The following MAML3 variants were observed in gnomAD, a reference collection of about 807,000 sequenced individuals.
MAML3 encodes mastermind like transcriptional coactivator 3, also known as mastermind-like protein 3.
A neutral mutation model predicts 101.9 loss-of-function variants in MAML3; 27 were observed. The observed-to-expected ratio is 0.27, with a 90% CI of 0.20 to 0.37. The LOEUF (loss-of-function observed/expected upper bound fraction) is 0.37, where lower values mean the gene tolerates loss of function less well. Among genes scored for constraint, MAML3 ranks in the 10% least tolerant of loss-of-function variants. The pLI is 1.00. For synonymous variants in MAML3, 501 were observed against 555.9 expected (o/e 0.90, Z 1.39); for missense variants, 1,316 against 1,444.9 (o/e 0.91, Z 1.45).
intron 1 of MAML3, among the ~76,000 whole-genome samples, chr4:140,013,230 C>A (rs2110863810): frequency 6.6e-6 from 1 of 152,284 alleles, no homozygotes; most frequent in East Asian, 1.9e-4. Context: ...GGCACGCACG[C>A]ATCTCAGTCC....
intron 1 of MAML3, among the ~76,000 whole-genome samples, chr4:139,953,912 G>A (rs781270205): frequency 6.6e-6 from 1 of 152,192 alleles, no homozygotes; most frequent in Non-Finnish European, 1.5e-5. Flanking sequence ...GGAGTCAGGG[G>A]TTGCTTCTTC....
intron 1 of MAML3, among the ~76,000 whole-genome samples, chr4:140,030,034 C>T (rs28653072): frequency 0.032 from 4,790 of 150,200 alleles, 253 homozygotes; most frequent in African/African-American, 0.11. Context: ...TAGGAAGAAA[C>T]GAAAAGGATG....
chr4:139,813,715 C>T (rs1730844330), intron 2 of MAML3, among the ~76,000 whole-genome samples: 1 of 152,156 alleles, frequency 6.6e-6, no homozygotes, highest in African/African-American at 2.4e-5. Flanking sequence ...TGGGTCCCCA[C>T]AGGATCAAGG....
intron 2 of MAML3, among the ~76,000 whole-genome samples, chr4:139,751,122 A>G (rs918100170): frequency 6.6e-6 from 1 of 152,234 alleles, no homozygotes; most frequent in African/African-American, 2.4e-5. Flanking sequence ...AGTCACCCAT[A>G]GGTATTTTCC....
intron 2 of MAML3, among the ~76,000 whole-genome samples, chr4:139,760,074 A>T (rs902005844): frequency 6.6e-6 from 1 of 152,250 alleles, no homozygotes; most frequent in Non-Finnish European, 1.5e-5. Flanking sequence ...CAGTGCATAG[A>T]AGTCAAGAGT....
At chr4:139,819,431 A>G (rs560223372) in intron 2 of MAML3, among the ~76,000 whole-genome samples, 7 of 152,344 alleles carry the variant, frequency 4.6e-5, no homozygotes, top group African/African-American at 1.7e-4. Flanking sequence ...CATAGGTAGC[A>G]TGGCTCCAAT....
intron 1 of MAML3, among the ~76,000 whole-genome samples, chr4:140,147,917 T>TGC (rs1729093190): frequency 5.4e-4 from 2 of 3,722 alleles, no homozygotes; most frequent in South Asian, 0.014. Context: ...AATGAGTGAA[T>TGC]GTGTGTGTGT....
intron 1 of MAML3, among the ~76,000 whole-genome samples, chr4:140,108,705 A>T (rs934498891): frequency 1.3e-5 from 2 of 151,522 alleles, no homozygotes; most frequent in African/African-American, 4.9e-5. Flanking sequence ...AATCTCTCAT[A>T]CTCTGATCAG....
At chr4:140,069,354 GAGA>G (rs1207473786) in intron 1 of MAML3, among the ~76,000 whole-genome samples, 1 of 73,950 alleles carries the variant, frequency 1.4e-5, no homozygotes, top group Non-Finnish European at 3.1e-5. Flanking sequence ...GAAGGAGAAG[GAGA>G]AGGAGAAGAA....
At chr4:140,100,365 T>G (rs754449990) in intron 1 of MAML3, among the ~76,000 whole-genome samples, 16 of 152,218 alleles carry the variant, frequency 1.1e-4, no homozygotes, top group Non-Finnish European at 2.1e-4. Flanking sequence ...AGTTCCTCCA[T>G]GACAGAGACC....
At chr4:139,856,308 C>G (rs1303528692) in intron 2 of MAML3, among the ~76,000 whole-genome samples, 1 of 152,192 alleles carries the variant, frequency 6.6e-6, no homozygotes, top group East Asian at 1.9e-4. Flanking sequence ...TTTAACTTGT[C>G]ATTTACGAAG....
chr4:140,070,783 G>A (rs894348184), intron 1 of MAML3, among the ~76,000 whole-genome samples: 12 of 152,134 alleles, frequency 7.9e-5, no homozygotes, highest in Admixed American at 6.5e-4. Context: ...ATCTTTATTC[G>A]AACTTGATTG....
At chr4:140,152,488 C>G (rs1021947219) in intron 1 of MAML3, among the ~76,000 whole-genome samples, 6 of 151,888 alleles carry the variant, frequency 4.0e-5, no homozygotes, top group African/African-American at 1.2e-4. Flanking sequence ...TGGGGAGCGG[C>G]GAAGAGGAGG....
intron 2 of MAML3, among the ~76,000 whole-genome samples, chr4:139,822,802 A>G (rs919144447): frequency 6.6e-6 from 1 of 152,220 alleles, no homozygotes; most frequent in Non-Finnish European, 1.5e-5. Flanking sequence ...ATGGGAGAGA[A>G]GAATCAGAAT....
At chr4:140,104,811 A>C (rs951545947) in intron 1 of MAML3, among the ~76,000 whole-genome samples, 36 of 152,040 alleles carry the variant, frequency 2.4e-4, no homozygotes, top group African/African-American at 8.4e-4. Flanking sequence ...ACATTTTTTA[A>C]GTACCTTAAA....
chr4:140,120,017 C>G (rs1243785041), intron 1 of MAML3, among the ~76,000 whole-genome samples: 1 of 151,868 alleles, frequency 6.6e-6, no homozygotes, highest in Non-Finnish European at 1.5e-5. Flanking sequence ...GCAGGCGGAT[C>G]ACGAGGTCAG....
At chr4:139,958,217 T>G (rs1294390375) in intron 1 of MAML3, among the ~76,000 whole-genome samples, 3 of 152,206 alleles carry the variant, frequency 2.0e-5, no homozygotes, top group Non-Finnish European at 4.4e-5. Context: ...CTACCCTCCT[T>G]GCTGGGTGTT....
At chr4:139,871,914 T>C (rs1350014693) in intron 2 of MAML3, among the ~76,000 whole-genome samples, 1 of 152,246 alleles carries the variant, frequency 6.6e-6, no homozygotes, top group African/African-American at 2.4e-5. Context: ...ATTGGGTGTA[T>C]CTTTGTTACA....
intron 2 of MAML3, among the ~76,000 whole-genome samples, chr4:139,863,361 T>C (rs1731823428): frequency 6.9e-6 from 1 of 145,210 alleles, no homozygotes; most frequent in African/African-American, 2.5e-5. Context: ...TTTTTTTTTT[T>C]CCTTTTGAGA....
Sources: gnomAD v4.1 joint callset for allele counts (sites outside exome capture counted in the v4.1 genomes callset) on GRCh38, gnomAD v4.1.1 for gene constraint, MANE v1.5 for transcripts, NCBI Gene and HGNC (gene_info 2026-07-23, HGNC 2026-07-21) for gene names.